The following EEF2 variants were observed in gnomAD, a reference collection of about 807,000 sequenced individuals.
EEF2 encodes the protein elongation factor 2.
Under a neutral mutation model 85.3 loss-of-function variants are expected in EEF2, and 21 were observed. That is an observed-to-expected ratio of 0.25 (90% CI 0.17 to 0.35). The LOEUF is 0.35. EEF2 is among the 10% of genes least tolerant of loss of function. The probability of loss-of-function intolerance (pLI) is 1.00; values close to 1 mark genes in which losing one functional copy is unlikely to be tolerated. For missense variants in EEF2, 825 were observed against 1,225.3 expected, an observed-to-expected ratio of 0.67 and a Z score of 4.88; for synonymous variants, 723 against 508.8, an observed-to-expected ratio of 1.42 and a Z score of -5.67.
At chr19:3,984,048 A>T in intron 2 of EEF2, 88 bp downstream of exon 2, 1 of 1,415,970 alleles carries the variant, frequency 7.1e-7, no homozygotes, top group Non-Finnish European at 9.8e-7. Context: ...GACGTTGCCA[A>T]GTCTCTCCCC....
chr19:3,978,732 A>T (rs936889528), intron 11 of EEF2, among the ~76,000 whole-genome samples: 2 of 143,432 alleles, frequency 1.4e-5, no homozygotes, highest in African/African-American at 5.1e-5. Context: ...GAACCTGGGA[A>T]GCAGAGCTTG....
intron 2 of EEF2, chr19:3,983,811 C>T (rs1420945069): frequency 2.9e-5 from 12 of 409,072 alleles, no homozygotes; most frequent in Non-Finnish European, 4.5e-5. Flanking sequence ...AGCTTCCCAG[C>T]GTCCCAAGCA....
rs141268421 is a variant in EEF2, at chr19:3,982,083, T to C, written c.792-31A>G. On this transcript the variant is annotated intron_variant, in intron 5 of 14. Coordinates refer to ENST00000309311, the MANE Select transcript of EEF2 (RefSeq NM_001961.4). ...AAGGAGAGGCCAAGCCAAATCAAGT[T>C]AGGGTCTCCAGGGGATGACTTGGGG... is the stretch of plus-strand genomic sequence containing the variant. 1,924 of 1,612,320 alleles carry C rather than the reference T, an allele frequency of 1.2e-3. 19 individuals carry two copies. In the African/African-American group the frequency reaches 0.022, roughly 19 times the overall value.
At position 3,977,730 on chromosome 19, in the gene EEF2, T is replaced by G. The variant is rs986474594; in HGVS notation, c.2067+89A>C. The G allele has an allele frequency of 4.0e-6, 6 of 1,487,610 alleles. No individual in the cohort carries two copies. In the South Asian group the frequency reaches 5.4e-5, roughly 13 times the overall value. 92.2% of individuals were successfully genotyped at this position (1,487,610 alleles called of 1,614,324 possible). On this transcript the variant is annotated intron_variant, in intron 12 of 14. Transcript: ENST00000309311. This position sits in a 1 kb window ranked among gnomAD's most constrained non-coding sequence, Gnocchi z 5.4. ...TGGGGCCTTGCCCGCCTTGGCCCCA[T>G]TAGGGTCTCTGTCTCGGGAGGCAGG... is the stretch of plus-strand genomic sequence containing the variant.
rs2039733272 is a variant in EEF2, at chr19:3,980,594, G to A, written c.1266C>T (p.Ser422=). The change falls in exon 9 of 15, where the codon TCC becomes TCT. Residue 422 remains serine, a synonymous_variant. Coordinates refer to ENST00000309311, the MANE Select transcript of EEF2 (RefSeq NM_001961.4). ...CCATGATCCTGACCTTCAGGCCAGT[G>A]GAGACCAGCCCCGAGAAGACTCGTC... ...AFGRVFSGLV[S]TGLKVRIMGP... 2 of 1,614,220 alleles carry A rather than the reference G, an allele frequency of 1.2e-6. No homozygotes were observed. The highest frequency in any genetic ancestry group is 2.7e-5 in the African/African-American group (2 of 75,062).
At position 3,976,466 on chromosome 19, in the gene EEF2, AGT is replaced by A; in HGVS notation, c.*86_*87del. On this transcript the variant is annotated 3_prime_UTR_variant, in exon 15 of 15. Transcript: ENST00000309311. ...CAGGGGAGCGTCGCTGTGTCGGGAC[AGT>A]CTCCAGGTGTCGTCTGAGAATTCGA... 2.7e-6 allele frequency: 4 copies of A among 1,465,280 alleles called. No individual in the cohort carries two copies. In the South Asian group the frequency reaches 5.0e-5, roughly 18 times the overall value. The allele number at this position is 1,465,280 out of a possible 1,614,324, so 90.8% of individuals were successfully genotyped here. A position where few individuals can be genotyped will look rare whatever the true frequency, so the allele number is the denominator to read the frequency against.
At chr19:3,983,315 G>A in intron 2 of EEF2, 24 bp from the exon 3 acceptor site, 1 of 1,607,350 alleles carries the variant, frequency 6.2e-7, no homozygotes. Context: ...GGACTCGTCA[G>A]GGGGACAGGA....
At chr19:3,980,303 A>C (rs1172951392) in intron 9 of EEF2, among the ~76,000 whole-genome samples, 1 of 152,260 alleles carries the variant, frequency 6.6e-6, no homozygotes, top group Admixed American at 6.5e-5. Context: ...CCAGGGACAC[A>C]GATGAGCAGG....
Position 3,977,377 on chromosome 19 carries a change from G to A in EEF2, c.2251-30C>T, listed in dbSNP as rs547495456. 4.1e-5 allele frequency: 66 copies of A among 1,591,670 alleles called. No homozygotes were observed. In the South Asian group the frequency reaches 7.1e-4, roughly 17 times the overall value. ...CAGAAGGGAAAGAAAACCTGTCAGT[G>A]GCCGCTGGGCAGGACGGTGGCAGGG... On this transcript the variant is annotated intron_variant, in intron 13 of 14. Transcript: ENST00000309311. The surrounding 1 kb of genome is among the most constrained non-coding windows in gnomAD (Gnocchi z 5.4).
At position 3,983,186 on chromosome 19, in the gene EEF2, A is replaced by G. The variant is rs2230560; in HGVS notation, c.324T>C (p.His108=). The G allele has an allele frequency of 0.13, 203,168 of 1,613,786 alleles. 22,054 individuals carry two copies. The highest frequency in any genetic ancestry group is 0.59 in the African/African-American group (43,900 of 74,850). Residue 108 remains histidine, a synonymous_variant, in exon 3 of 15, where the codon CAT becomes CAC. Coordinates refer to ENST00000309311, the MANE Select transcript of EEF2 (RefSeq NM_001961.4). ...FLINLIDSPG[H]VDFSSEVTAA... The stretch of plus-strand genomic sequence containing the variant: ...CAGTCACCTCCGAGGAGAAGTCGAC[A>G]TGCCCGGGGGAGTCAATGAGGTTGA...
chr19:3,982,530 T>C (rs758281981), intron 4 of EEF2, 106 bp from the exon 5 acceptor site: 5 of 1,401,424 alleles, frequency 3.6e-6, no homozygotes, highest in Admixed American at 1.7e-5. Flanking sequence ...CTTTCTTCAG[T>C]AGACATCTGG....
chr19:3,983,956 C>G, intron 2 of EEF2, 180 bp downstream of exon 2: 1 of 673,810 alleles, frequency 1.5e-6, no homozygotes, highest in Non-Finnish European at 2.5e-6. Context: ...TCGCAGTACC[C>G]CGAATCCCTG....
chr19:3,981,822 C>T (rs2145363420), intron 6 of EEF2, 125 bp downstream of exon 6: 1 of 845,214 alleles, frequency 1.2e-6, no homozygotes, highest in African/African-American at 1.7e-5. Context: ...AGCTGTGCCT[C>T]CTCCCATCTC....
In EEF2 at chr19:3,977,121, G is replaced by A. The variant is rs2033070365; in HGVS notation, c.2383+94C>T. On this transcript the variant is annotated intron_variant, in intron 14 of 14. Coordinates refer to ENST00000309311, the MANE Select transcript of EEF2 (RefSeq NM_001961.4). This position sits in a 1 kb window ranked among gnomAD's most constrained non-coding sequence, Gnocchi z 5.4. ...TCCATCCATCACCTGCTCCCATCAGGACGCCTCCTTTAACACCTTGCTAAG... is the reference window on the plus strand; with the variant it reads ...TCCATCCATCACCTGCTCCCATCAGAACGCCTCCTTTAACACCTTGCTAAG... The A allele has an allele frequency of 6.5e-7, 1 of 1,529,568 alleles. No individual in the cohort carries two copies. Among genetic ancestry groups the A allele is most frequent in the Non-Finnish European group, 8.8e-7 (1 of 1,134,124 alleles). The allele number at this position is 1,529,568 out of a possible 1,614,324, so 94.7% of individuals were successfully genotyped here.
rs763170059 is a variant in EEF2, at chr19:3,980,691, G to A, written c.1169C>T (p.Pro390Leu). The A allele has an allele frequency of 2.5e-6, 4 of 1,613,658 alleles. No homozygotes were observed. The highest frequency in any genetic ancestry group is 3.3e-4 in the Middle Eastern group (2 of 6,060). Residue 390 changes from proline to leucine, a missense_variant, in exon 9 of 15, where the codon CCC (proline) becomes CTC (leucine). Transcript: ENST00000309311. ...EAAMGIKSCDPKGPLMMYISK... is the reference protein window; with the variant it reads ...EAAMGIKSCDLKGPLMMYISK... ...AATATACATCATAAGAGGGCCTTTG[G>A]GGTCACAGCTTTTAATGCCTGAGGG...
Position 3,979,795 on chromosome 19 carries a change from A to G in EEF2, c.1605+13T>C. ...CAGGGTGTCTGCTCCCAGCAGGTGC[A>G]CTCCGTGCCCACCTGCACCATGGGG... is the stretch of plus-strand genomic sequence containing the variant. On this transcript the variant is annotated intron_variant, in intron 10 of 14. Coordinates refer to ENST00000309311, the MANE Select transcript of EEF2 (RefSeq NM_001961.4). 4 of 1,607,646 alleles carry G rather than the reference A, an allele frequency of 2.5e-6. No individual in the cohort carries two copies. The South Asian group carries it at 4.4e-5, about 18-fold the overall frequency.
At position 3,976,510 on chromosome 19, in the gene EEF2, G is replaced by A; in HGVS notation, c.*44C>T. 1 of 1,561,368 alleles carries A rather than the reference G, an allele frequency of 6.4e-7. No individual in the cohort carries two copies. The highest frequency in any genetic ancestry group is 8.7e-7 in the Non-Finnish European group (1 of 1,153,706). The stretch of plus-strand genomic sequence containing the variant: ...AGAATTCGAGGACGTGGTGCTGTGG[G>A]TGCTGCGAGTCCCCGGGGCGGCAGG... On this transcript the variant is annotated 3_prime_UTR_variant, in exon 15 of 15. Transcript: ENST00000309311.
At chr19:3,979,685 A>G in intron 10 of EEF2, 123 bp downstream of exon 10, 1 of 1,429,968 alleles carries the variant, frequency 7.0e-7, no homozygotes, top group Non-Finnish European at 9.5e-7. Context: ...ACAGCCAAGA[A>G]CCCCTCCTTT....
chr19:3,984,731 G>T (rs111797494), intron 1 of EEF2: 1 of 225,130 alleles, frequency 4.4e-6, no homozygotes, highest in Non-Finnish European at 9.0e-6. Flanking sequence ...CCCCGAGCAA[G>T]AAGCTTCATC....
Sources: gnomAD v4.1 joint callset for allele counts (sites outside exome capture counted in the v4.1 genomes callset) on GRCh38, gnomAD v4.1.1 for gene constraint, Gnocchi (gnomAD v3.1) non-coding constraint, MANE v1.5 for transcripts, NCBI Gene and HGNC (gene_info 2026-07-23, HGNC 2026-07-21) for gene names.